ADHFE1: variants seen among roughly 807,000 people sequenced by gnomAD.
ADHFE1 encodes alcohol dehydrogenase iron containing 1.
In ADHFE1, 37 loss-of-function variants were observed where a neutral mutation model predicts 54.8. The ratio of observed to expected loss-of-function variants is 0.68; its 90% CI spans 0.52 to 0.89. ADHFE1 has a LOEUF of 0.89. Among genes scored for constraint, ADHFE1 ranks in the 40% least tolerant of loss-of-function variants. The pLI is 0.00. For missense variants in ADHFE1, 601 were observed against 591.2 expected (o/e 1.02, Z -0.17); for synonymous variants, 203 against 229.3 (o/e 0.89, Z 1.04).
Position 66,448,874 on chromosome 8 carries a change from C to T in ADHFE1, c.638C>T (p.Ser213Leu), listed in dbSNP as rs368995778. The T allele has an allele frequency of 2.9e-5, 47 of 1,613,906 alleles. No homozygotes were observed. The highest frequency in any genetic ancestry group is 4.0e-5 in the African/African-American group (3 of 74,908). ...EHLKVKIGITSRAIKPTLGLI... is the reference protein window; with the variant it reads ...EHLKVKIGITLRAIKPTLGLI... ...AATCCTTATGTTTTAGGCATCACTTCGAGAGCCATCAAACCCACACTGGGA... is the reference window on the plus strand; with the variant it reads ...AATCCTTATGTTTTAGGCATCACTTTGAGAGCCATCAAACCCACACTGGGA... Residue 213 changes from serine (S) to leucine (L), a missense_variant, in exon 8 of 14, where the codon TCG becomes TTG. Physicochemically the swap from Ser to Leu is moderately radical, Grantham distance 145 (BLOSUM62 -2). Transcript: ENST00000396623.
At chr8:66,466,349 G>A (rs527391427) in intron 13 of ADHFE1, among the ~76,000 whole-genome samples, 5 of 151,328 alleles carry the variant, frequency 3.3e-5, no homozygotes, top group Admixed American at 1.3e-4. Flanking sequence ...GCCTCCCAAA[G>A]TGCTGGGACC....
At chr8:66,444,966 T>C (rs1173878834) in intron 5 of ADHFE1, among the ~76,000 whole-genome samples, 1 of 152,104 alleles carries the variant, frequency 6.6e-6, no homozygotes, top group East Asian at 1.9e-4. Context: ...CCAGTCATGG[T>C]GGCAGGCACC....
At chr8:66,460,944 G>A (rs1417464444) in intron 13 of ADHFE1, among the ~76,000 whole-genome samples, 1 of 152,234 alleles carries the variant, frequency 6.6e-6, no homozygotes, top group Non-Finnish European at 1.5e-5. Context: ...TTCGATGAAT[G>A]TGGGAGATTG....
intron 8 of ADHFE1, 86 bp from the exon 9 acceptor site, chr8:66,451,867 A>G: frequency 2.0e-6 from 3 of 1,521,468 alleles, no homozygotes; most frequent in East Asian, 2.3e-5. Flanking sequence ...TGAGTGCCAA[A>G]CAGCTCCAAG....
intron 9 of ADHFE1, 111 bp downstream of exon 9, chr8:66,452,216 A>G (rs1806336873): frequency 5.7e-6 from 8 of 1,409,398 alleles, no homozygotes; most frequent in African/African-American, 1.4e-5. Flanking sequence ...GTTCCAGAAA[A>G]GCAGTCAGTG....
chr8:66,453,886 C>A lies in ADHFE1; in HGVS notation c.888-173C>A, dbSNP rs560691261. On this transcript the variant is annotated intron_variant, in intron 9 of 13. Transcript: ENST00000396623. ...GAAACAGTTGATGAGAAATATGTTT[C>A]CCTTCAGTTTTCATTTAGAAGACAA... 4 of 1,493,140 alleles carry A rather than the reference C, an allele frequency of 2.7e-6. No individual in the cohort carries two copies. The East Asian group carries it at 1.0e-4, about 37-fold the overall frequency. The allele number at this position is 1,493,140 out of a possible 1,614,324, so 92.5% of individuals were successfully genotyped here.
In ADHFE1 at chr8:66,468,442, C is replaced by T. The variant is rs13682; in HGVS notation, c.*90C>T. ...CTAGGGCTTTGTCTTTTCATCTTTG[C>T]GCATAACTTACCTGTTACCAGTATA... is the stretch of plus-strand genomic sequence containing the variant. On this transcript the variant is annotated 3_prime_UTR_variant, in exon 14 of 14. Coordinates refer to ENST00000396623, the MANE Select transcript of ADHFE1 (RefSeq NM_144650.3). 0.5 allele frequency: 530,631 copies of T among 1,065,132 alleles called. 136,720 individuals carry two copies. Among genetic ancestry groups the T allele is most frequent in the African/African-American group, 0.72 (43,933 of 60,896 alleles). 66.0% of individuals were successfully genotyped at this position (1,065,132 alleles called of 1,614,324 possible).
chr8:66,461,994 C>T (rs897499694), intron 13 of ADHFE1, among the ~76,000 whole-genome samples: 1 of 152,202 alleles, frequency 6.6e-6, no homozygotes, highest in African/African-American at 2.4e-5. Context: ...AACGCCCTCA[C>T]AGTTATTTTA....
intron 12 of ADHFE1, chr8:66,459,428 A>ATTTT (rs1453155322): frequency 1.9e-5 from 2 of 107,310 alleles, no homozygotes; most frequent in African/African-American, 7.7e-5. Context: ...ATATATATAT[A>ATTTT]TATTTTTTTT....
intron 6 of ADHFE1, 84 bp from the exon 7 acceptor site, chr8:66,447,180 G>A (rs1199752501): frequency 1.7e-6 from 2 of 1,143,554 alleles, no homozygotes; most frequent in Non-Finnish European, 2.5e-6. Flanking sequence ...CTCTAATTTT[G>A]TTCCTCAGTC....
rs528491372 is a variant in ADHFE1, at chr8:66,439,161, T to C, written c.60-1001T>C. On this transcript the variant is annotated intron_variant, in intron 1 of 13. Transcript: ENST00000396623. This position sits in a 1 kb window ranked among gnomAD's most constrained non-coding sequence, Gnocchi z 4.4. ...GCTTTGACTTCGCAGTTCGAATTTTTGAGATCTGGACGGCCACTGAGATCA... is the reference window on the plus strand; with the variant it reads ...GCTTTGACTTCGCAGTTCGAATTTTCGAGATCTGGACGGCCACTGAGATCA... 2.5e-4 allele frequency: 242 copies of C among 982,284 alleles called. No homozygotes were observed. The highest frequency in any genetic ancestry group is 2.8e-4 in the Non-Finnish European group (232 of 827,202). The allele number at this position is 982,284 out of a possible 1,614,324, so 60.8% of individuals were successfully genotyped here. A position where few individuals can be genotyped will look rare whatever the true frequency, so the allele number is the denominator to read the frequency against.
At chr8:66,438,470 G>A (rs1805575251) in intron 1 of ADHFE1, among the ~76,000 whole-genome samples, 2 of 152,172 alleles carry the variant, frequency 1.3e-5, no homozygotes, top group South Asian at 4.1e-4. Flanking sequence ...CTGGGAGCCA[G>A]GAAAAAGTTC....
At chr8:66,452,443 C>T (rs1806349305) in intron 9 of ADHFE1, among the ~76,000 whole-genome samples, 1 of 152,216 alleles carries the variant, frequency 6.6e-6, no homozygotes, top group African/African-American at 2.4e-5. Context: ...AGGCCCTGTC[C>T]GAAGACACAC....
chr8:66,453,116 G>A (rs376823189), intron 9 of ADHFE1, among the ~76,000 whole-genome samples: 1 of 152,224 alleles, frequency 6.6e-6, no homozygotes, highest in East Asian at 1.9e-4. Context: ...GCATCATGGG[G>A]AGCCAGTTTG....
At chr8:66,449,011 G>A in intron 8 of ADHFE1, 41 bp downstream of exon 8, 1 of 1,527,742 alleles carries the variant, frequency 6.5e-7, no homozygotes, top group African/African-American at 1.4e-5. Flanking sequence ...TTTAGTACTG[G>A]GTCTATGGAT....
intron 1 of ADHFE1, chr8:66,432,996 T>C: frequency 2.6e-6 from 2 of 774,242 alleles, no homozygotes; most frequent in Non-Finnish European, 3.1e-6. Flanking sequence ...TGAGGTCTAG[T>C]GGGGAATGGG....
chr8:66,447,120 A>G, intron 6 of ADHFE1, 144 bp from the exon 7 acceptor site: 1 of 572,714 alleles, frequency 1.7e-6, no homozygotes, highest in East Asian at 3.0e-5. Context: ...GTTTCCATAC[A>G]TGTTAATTCA....
chr8:66,444,092 A>G (rs936176954), intron 3 of ADHFE1, among the ~76,000 whole-genome samples: 1 of 152,166 alleles, frequency 6.6e-6, no homozygotes, highest in Non-Finnish European at 1.5e-5. Flanking sequence ...TGGAGTTGGA[A>G]GAAGGTAGGC....
intron 13 of ADHFE1, among the ~76,000 whole-genome samples, chr8:66,466,236 ATT>A (rs575459850): frequency 0.19 from 22,906 of 119,088 alleles, 1,673 homozygotes; most frequent in African/African-American, 0.26. Context: ...ACCCAGCTGA[ATT>A]TTTTTTTTTT....
Sources: gnomAD v4.1 joint callset for allele counts (sites outside exome capture counted in the v4.1 genomes callset) on GRCh38, gnomAD v4.1.1 for gene constraint, Gnocchi (gnomAD v3.1) non-coding constraint, MANE v1.5 for transcripts, NCBI Gene and HGNC (gene_info 2026-07-23, HGNC 2026-07-21) for gene names.